Variants in BMPER observed in about 807,000 individuals in gnomAD.
The protein encoded by BMPER is BMP binding endothelial regulator, also known as BMP-binding endothelial regulator protein.
Under a neutral mutation model 87.3 loss-of-function variants are expected in BMPER, and 45 were observed. The ratio of observed to expected loss-of-function variants is 0.52; its 90% CI spans 0.41 to 0.66. BMPER has a LOEUF of 0.66. Among genes scored for constraint, BMPER ranks in the 30% least tolerant of loss-of-function variants. The probability of loss-of-function intolerance (pLI) is 0.00; values close to 1 mark genes in which losing one functional copy is unlikely to be tolerated. For synonymous variants in BMPER, 326 were observed against 316.2 expected, an observed-to-expected ratio of 1.03 and a Z score of -0.33; for missense variants, 784 against 867.5, an observed-to-expected ratio of 0.90 and a Z score of 1.21.
intron 2 of BMPER, among the ~76,000 whole-genome samples, chr7:33,912,909 C>T (rs1270195661): frequency 1.3e-5 from 2 of 152,228 alleles, no homozygotes; most frequent in Non-Finnish European, 2.9e-5. Flanking sequence ...TCTTTCCACA[C>T]TTCATCCCCT....
At chr7:34,107,517 A>G (rs1001835061) in intron 13 of BMPER, among the ~76,000 whole-genome samples, 4 of 152,224 alleles carry the variant, frequency 2.6e-5, no homozygotes, top group Non-Finnish European at 5.9e-5. Context: ...GCAACTGGCT[A>G]AGCGAGTCAT....
At chr7:34,120,472 C>T (rs1790234975) in intron 13 of BMPER, among the ~76,000 whole-genome samples, 1 of 151,834 alleles carries the variant, frequency 6.6e-6, no homozygotes, top group Non-Finnish European at 1.5e-5. Flanking sequence ...AATCTTGGCT[C>T]ACCGCAAGCT....
At chr7:33,996,919 TATTTCAGGCTAACCAC>T (rs1452032559) in intron 6 of BMPER, among the ~76,000 whole-genome samples, 1 of 152,226 alleles carries the variant, frequency 6.6e-6, no homozygotes, top group East Asian at 1.9e-4. Flanking sequence ...ACAGCATTCT[TATTTCAGGCTAACCAC>T]ATTTCCAGTG....
intron 11 of BMPER, among the ~76,000 whole-genome samples, chr7:34,074,795 A>G (rs925996888): frequency 6.6e-6 from 1 of 152,192 alleles, no homozygotes; most frequent in Non-Finnish European, 1.5e-5. Flanking sequence ...GACGGGAGAA[A>G]CCTTACGACA....
intron 3 of BMPER, among the ~76,000 whole-genome samples, chr7:33,958,520 G>T (rs997057811): frequency 2.0e-5 from 3 of 152,108 alleles, no homozygotes; most frequent in East Asian, 1.9e-4. Flanking sequence ...TTGTACCACC[G>T]CTGGAACATC....
At chr7:34,084,755 C>T (rs1585815642) in intron 12 of BMPER, among the ~76,000 whole-genome samples, 1 of 152,314 alleles carries the variant, frequency 6.6e-6, no homozygotes, top group East Asian at 1.9e-4. Context: ...TGTGTGACAG[C>T]ATAACATGGC....
rs147579211 is a variant in BMPER at position 33,956,423 on chromosome 7, T to C, written c.320-10056T>C. On this transcript the variant is annotated intron_variant, in intron 3 of 14. Coordinates refer to ENST00000649409, the MANE Select transcript of BMPER (RefSeq NM_001365308.1). ...ATGCAGTTAAAACTACAATAAAATA[T>C]TAATTCACCTATCAATATAGCTAAA... 2.5e-3 allele frequency among the ~76,000 whole-genome samples: 381 copies of C among 152,270 alleles called. 1 individual carries two copies. The highest frequency in any genetic ancestry group is 8.8e-3 in the African/African-American group (367 of 41,538).
chr7:34,121,323 C>T (rs757647606), intron 13 of BMPER, among the ~76,000 whole-genome samples: 1 of 152,136 alleles, frequency 6.6e-6, no homozygotes, highest in Non-Finnish European at 1.5e-5. Context: ...TCATTATGAA[C>T]AAAAGCTTAA....
chr7:34,054,150 T>C (rs577504295), intron 8 of BMPER, among the ~76,000 whole-genome samples: 150 of 152,308 alleles, frequency 9.8e-4, no homozygotes, highest in African/African-American at 3.5e-3. Flanking sequence ...TTTACCTCCC[T>C]TCTTACATTG....
rs76296538 is a variant in BMPER, at chr7:33,934,486, C to G, written c.220-2803C>G. ...GGGAAAAAACCCACTAAACCTACAG[C>G]TAAGGTTTAGGTTTGTTCTATGTGT... is the stretch of plus-strand genomic sequence containing the variant. On this transcript the variant is annotated intron_variant, in intron 2 of 14. Transcript: ENST00000649409. 2.1e-3 allele frequency among the ~76,000 whole-genome samples: 288 copies of G among 140,438 alleles called. 2 individuals carry two copies. Among genetic ancestry groups the G allele is most frequent in the African/African-American group, 7.4e-3 (272 of 36,974 alleles). The allele number at this position is 140,438 out of a possible 152,430, so 92.1% of individuals were successfully genotyped here. A position where few individuals can be genotyped will look rare whatever the true frequency, so the allele number is the denominator to read the frequency against.
At chr7:33,907,151 T>G (rs1783841537) in intron 2 of BMPER, among the ~76,000 whole-genome samples, 2 of 152,178 alleles carry the variant, frequency 1.3e-5, no homozygotes, top group Non-Finnish European at 2.9e-5. Flanking sequence ...TCAGATAGGC[T>G]TTGTATGACG....
intron 13 of BMPER, among the ~76,000 whole-genome samples, chr7:34,118,362 A>G (rs1790170590): frequency 1.3e-5 from 2 of 152,160 alleles, no homozygotes; most frequent in African/African-American, 2.4e-5. Flanking sequence ...ATTTAAAAGA[A>G]AGTAGCTCAC....
rs1170489625 is a variant in BMPER at position 34,146,302 on chromosome 7, A to G, written c.1876+2942A>G. ...AGCAAAAAGTCTGGAAGTTGAACATATAAGAAGTCAGCCAGGCGAGAAACT... is the reference window on the plus strand; with the variant it reads ...AGCAAAAAGTCTGGAAGTTGAACATGTAAGAAGTCAGCCAGGCGAGAAACT... On this transcript the variant is annotated intron_variant, in intron 14 of 14. Coordinates refer to ENST00000649409, the MANE Select transcript of BMPER (RefSeq NM_001365308.1). 2.0e-5 allele frequency among the ~76,000 whole-genome samples: 3 copies of G among 152,290 alleles called. No individual in the cohort carries two copies. The East Asian group carries it at 5.8e-4, about 30-fold the overall frequency.
chr7:34,114,459 G>A (rs1026321253), intron 13 of BMPER, among the ~76,000 whole-genome samples: 4 of 152,138 alleles, frequency 2.6e-5, no homozygotes, highest in African/African-American at 4.8e-5. Context: ...TCATAAATTC[G>A]TTCAAAAGTA....
At chr7:33,970,560 T>A in intron 5 of BMPER, 141 bp downstream of exon 5, 1 of 880,518 alleles carries the variant, frequency 1.1e-6, no homozygotes, top group South Asian at 1.4e-5. Flanking sequence ...CTCCTTTGCA[T>A]AGAAATATCC....
At chr7:34,007,246 A>G (rs927689181) in intron 6 of BMPER, among the ~76,000 whole-genome samples, 2 of 152,096 alleles carry the variant, frequency 1.3e-5, no homozygotes, top group South Asian at 2.1e-4. Context: ...GCGATAGGCA[A>G]TGATTCTCAA....
chr7:34,100,858 G>A (rs1217475593), intron 13 of BMPER, among the ~76,000 whole-genome samples: 2 of 152,170 alleles, frequency 1.3e-5, no homozygotes, highest in Non-Finnish European at 2.9e-5. Context: ...TACACACAGA[G>A]ACACACATGC....
At position 34,153,271 on chromosome 7, in the gene BMPER, T is replaced by C; in HGVS notation, c.2056T>C (p.Ter686ArgextTer9). 6.2e-7 allele frequency: 1 copy of C among 1,613,982 alleles called. No individual in the cohort carries two copies. The highest frequency in any genetic ancestry group is 2.2e-5 in the East Asian group (1 of 44,878). The change falls in exon 15 of 15, where the codon TGA (stop) becomes CGA (arginine). Residue 686 changes from the stop codon to arginine (R), a stop_lost. Transcript: ENST00000649409. ...CIKPVLCPQR[*>R] ...CAAGCCAGTCCTTTGTCCCCAGCGG[T>C]GACCTTTGTTTCGATCCTTAAGACT...
At chr7:33,989,595 A>G (rs1448121775) in intron 6 of BMPER, among the ~76,000 whole-genome samples, 38 of 152,164 alleles carry the variant, frequency 2.5e-4, no homozygotes, top group South Asian at 4.1e-4. Context: ...AGTTTCTTTC[A>G]CTGTGCAGAA....
Sources: allele counts gnomAD v4.1 joint callset (sites outside exome capture counted in the v4.1 genomes callset), GRCh38; gene constraint gnomAD v4.1.1; transcripts MANE v1.5; gene names NCBI Gene and HGNC (gene_info 2026-07-23, HGNC 2026-07-21).